Variants in IGF2BP3 observed in about 807,000 individuals in gnomAD.
IGF2BP3 encodes insulin like growth factor 2 mRNA binding protein 3.
IGF2BP3 carries 9 observed loss-of-function variants against 73.8 expected under a neutral mutation model. The observed-to-expected ratio is 0.12, with a 90% CI of 0.07 to 0.21. IGF2BP3 has a LOEUF of 0.21. Among genes scored for constraint, IGF2BP3 ranks in the 10% least tolerant of loss-of-function variants. The pLI, the probability that IGF2BP3 is intolerant of heterozygous loss-of-function variation, is 1.00. For missense variants in IGF2BP3, 542 were observed against 714.0 expected (o/e 0.76, Z 2.75); for synonymous variants, 258 against 256.7 (o/e 1.01, Z -0.05).
chr7:23,406,151 C>T (rs532134671), intron 3 of IGF2BP3, among the ~76,000 whole-genome samples: 1 of 151,802 alleles, frequency 6.6e-6, no homozygotes, highest in African/African-American at 2.4e-5. Context: ...TGATCTAAAA[C>T]ACTGATGGAG....
At chr7:23,346,618 G>A (rs1262176350) in intron 7 of IGF2BP3, among the ~76,000 whole-genome samples, 1 of 149,648 alleles carries the variant, frequency 6.7e-6, no homozygotes, top group East Asian at 2.0e-4. Context: ...TTTTGAGACA[G>A]AGTCTCCCTC....
intron 3 of IGF2BP3, among the ~76,000 whole-genome samples, chr7:23,391,290 T>C (rs1229999104): frequency 6.6e-6 from 1 of 151,160 alleles, no homozygotes; most frequent in African/African-American, 2.4e-5. Flanking sequence ...AGTAGAGACA[T>C]GGTTTAGCCA....
At position 23,469,784 on chromosome 7, in the gene IGF2BP3, C is replaced by T. The variant is rs1216478934; in HGVS notation, c.175+152G>A. 8.1e-6 allele frequency: 3 copies of T among 369,476 alleles called. No individual in the cohort carries two copies. Among genetic ancestry groups the T allele is most frequent in the African/African-American group, 4.3e-5 (2 of 46,914 alleles). The allele number at this position is 369,476 out of a possible 1,614,324, so 22.9% of individuals were successfully genotyped here. A position where few individuals can be genotyped will look rare whatever the true frequency, so the allele number is the denominator to read the frequency against. On this transcript the variant is annotated intron_variant, in intron 1 of 14. Transcript: ENST00000258729. This position sits in a 1 kb window ranked among gnomAD's most constrained non-coding sequence, Gnocchi z 6.1. ...GAGTGGGAGCCGGAGCTGAGGAGAG[C>T]CCCGGCCCCCACGCGCGTGGGTGTG... is the stretch of plus-strand genomic sequence containing the variant.
intron 3 of IGF2BP3, among the ~76,000 whole-genome samples, chr7:23,383,043 G>C (rs1226195144): frequency 6.6e-6 from 1 of 152,026 alleles, no homozygotes; most frequent in African/African-American, 2.4e-5. Flanking sequence ...CTCCAGCCTG[G>C]GTGACAGAGC....
intron 10 of IGF2BP3, among the ~76,000 whole-genome samples, chr7:23,327,064 TAATA>T (rs370034312): frequency 0.012 from 1,735 of 149,906 alleles, 27 homozygotes; most frequent in African/African-American, 0.033. Flanking sequence ...ACTTAAAGTA[TAATA>T]AATAAATTAA....
intron 2 of IGF2BP3, among the ~76,000 whole-genome samples, chr7:23,448,356 C>A (rs1788113492): frequency 6.6e-6 from 1 of 152,174 alleles, no homozygotes; most frequent in Non-Finnish European, 1.5e-5. Context: ...TTTCATCCTC[C>A]TCATGTGTAC....
intron 3 of IGF2BP3, among the ~76,000 whole-genome samples, chr7:23,410,210 A>T (rs994190986): frequency 3.3e-5 from 5 of 152,114 alleles, no homozygotes; most frequent in Non-Finnish European, 5.9e-5. Flanking sequence ...AAAAAAAAAT[A>T]GCCAGGTGTG....
At chr7:23,434,259 G>A (rs549951328) in intron 2 of IGF2BP3, among the ~76,000 whole-genome samples, 43 of 152,020 alleles carry the variant, frequency 2.8e-4, no homozygotes, top group Middle Eastern at 3.4e-3. Context: ...TTTTTATTTC[G>A]TATTACTGCT....
intron 3 of IGF2BP3, among the ~76,000 whole-genome samples, chr7:23,379,507 T>A (rs1171663023): frequency 6.6e-6 from 1 of 152,154 alleles, no homozygotes; most frequent in Non-Finnish European, 1.5e-5. Flanking sequence ...AAGCAGGCAT[T>A]CTCAAGTAAT....
chr7:23,398,029 C>A (rs1277062722), intron 3 of IGF2BP3, among the ~76,000 whole-genome samples: 2 of 151,828 alleles, frequency 1.3e-5, no homozygotes, highest in Non-Finnish European at 2.9e-5. Flanking sequence ...AAAGAGGAAA[C>A]CATTAGGTAT....
intron 3 of IGF2BP3, among the ~76,000 whole-genome samples, chr7:23,407,834 G>A (rs183928744): frequency 1.2e-3 from 186 of 151,320 alleles, no homozygotes; most frequent in African/African-American, 4.3e-3. Context: ...CAGAGACACA[G>A]TAAGTCCTCA....
At chr7:23,322,264 C>T (rs918592596) in intron 10 of IGF2BP3, among the ~76,000 whole-genome samples, 60 of 152,122 alleles carry the variant, frequency 3.9e-4, no homozygotes, top group East Asian at 5.8e-4. Flanking sequence ...TCGAGAACTA[C>T]GTGAAGAATG....
intron 6 of IGF2BP3, 96 bp downstream of exon 6, chr7:23,351,209 G>A: frequency 2.2e-6 from 3 of 1,356,026 alleles, no homozygotes; most frequent in Non-Finnish European, 3.1e-6. Flanking sequence ...CCTCATGGCT[G>A]TGTTCAGAAG....
At position 23,457,189 on chromosome 7, in the gene IGF2BP3, T is replaced by C. The variant is rs546942300; in HGVS notation, c.236+11293A>G. On this transcript the variant is annotated intron_variant, in intron 2 of 14. Transcript: ENST00000258729. ...TAAAAATTCTCAACCAGGGGCTGAG[T>C]GCGATGACTCACTCAGTACTCCCAG... Among the ~76,000 whole-genome samples, 250 of 151,900 alleles carry C rather than the reference T, an allele frequency of 1.6e-3. 1 individual carries two copies. Among genetic ancestry groups the C allele is most frequent in the Non-Finnish European group, 3.0e-3 (202 of 67,932 alleles).
intron 3 of IGF2BP3, among the ~76,000 whole-genome samples, chr7:23,365,276 A>G (rs1377962166): frequency 6.6e-6 from 1 of 152,232 alleles, no homozygotes; most frequent in Non-Finnish European, 1.5e-5. Context: ...GTAATTGCCA[A>G]TTTAATAAGT....
chr7:23,331,752 C>T (rs543017424), intron 10 of IGF2BP3, among the ~76,000 whole-genome samples: 3 of 151,024 alleles, frequency 2.0e-5, no homozygotes, highest in East Asian at 2.0e-4. Context: ...CCCAGCTACT[C>T]GGGAGGCTGA....
At chr7:23,415,214 G>A (rs945761617) in intron 3 of IGF2BP3, 8 of 218,514 alleles carry the variant, frequency 3.7e-5, no homozygotes, top group African/African-American at 7.7e-5. Flanking sequence ...GGTCCCGTCC[G>A]TCAGTCGGCA....
Position 23,317,716 on chromosome 7 carries a change from G to A in IGF2BP3, c.1321-3C>T. 1 of 1,612,714 alleles carries A rather than the reference G, an allele frequency of 6.2e-7. No homozygotes were observed. Among genetic ancestry groups the A allele is most frequent in the Non-Finnish European group, 8.5e-7 (1 of 1,178,680 alleles). On this transcript the variant is annotated splice_region_variant and splice_polypyrimidine_tract_variant and intron_variant, in intron 11 of 14. Coordinates refer to ENST00000258729, the MANE Select transcript of IGF2BP3 (RefSeq NM_006547.3). The stretch of plus-strand genomic sequence containing the variant: ...TCTGGTGCTTCCGCTGGAGCAATCT[G>A]TAACAGACCCAACAACAAGTTATGA...
At chr7:23,454,316 G>A (rs1014114651) in intron 2 of IGF2BP3, among the ~76,000 whole-genome samples, 4 of 152,026 alleles carry the variant, frequency 2.6e-5, no homozygotes, top group African/African-American at 4.8e-5. Context: ...TAAGATCCAT[G>A]CACCTAGATA....
Sources: gnomAD v4.1 joint callset for allele counts (sites outside exome capture counted in the v4.1 genomes callset) on GRCh38, gnomAD v4.1.1 for gene constraint, Gnocchi (gnomAD v3.1) non-coding constraint, MANE v1.5 for transcripts, NCBI Gene and HGNC (gene_info 2026-07-23, HGNC 2026-07-21) for gene names.